Variants in TMEM132D observed in about 807,000 individuals in gnomAD.
TMEM132D encodes the protein transmembrane protein 132D, also known as mature OL transmembrane protein.
Under a neutral mutation model 62.3 loss-of-function variants are expected in TMEM132D, and 21 were observed. The observed-to-expected ratio is 0.34, with a 90% CI of 0.24 to 0.49. The LOEUF is 0.49. Ranked by LOEUF, TMEM132D falls within the 20% of genes least tolerant of loss-of-function variation. TMEM132D has a pLI of 0.99. For synonymous variants in TMEM132D, 621 were observed against 575.6 expected, an observed-to-expected ratio of 1.08 and a Z score of -1.13; for missense variants, 1,346 against 1,402.8, an observed-to-expected ratio of 0.96 and a Z score of 0.65.
intron 4 of TMEM132D, among the ~76,000 whole-genome samples, chr12:129,260,395 T>C (rs938486671): frequency 7.2e-5 from 11 of 152,190 alleles, no homozygotes; most frequent in African/African-American, 2.7e-4. Flanking sequence ...GGGTGACAAC[T>C]AGCCCAGACT....
intron 2 of TMEM132D, among the ~76,000 whole-genome samples, chr12:129,636,295 A>T (rs536380233): frequency 2.0e-5 from 3 of 152,208 alleles, no homozygotes; most frequent in Non-Finnish European, 4.4e-5. Flanking sequence ...ACATCAAAAA[A>T]ATCTATTTTG....
chr12:129,862,024 G>A (rs1056602030), intron 1 of TMEM132D, among the ~76,000 whole-genome samples: 1 of 151,972 alleles, frequency 6.6e-6, no homozygotes, highest in Non-Finnish European at 1.5e-5. Context: ...CCCCTCCCTA[G>A]TCCTCTGCCC....
At chr12:129,788,330 G>A (rs142876768) in intron 1 of TMEM132D, among the ~76,000 whole-genome samples, 1 of 152,306 alleles carries the variant, frequency 6.6e-6, no homozygotes, top group East Asian at 1.9e-4. Flanking sequence ...CAGATTAGAA[G>A]CTTTGTGAGG....
chr12:129,085,225 T>G, intron 5 of TMEM132D: 1 of 159,386 alleles, frequency 6.3e-6, no homozygotes, highest in Non-Finnish European at 1.4e-5. Flanking sequence ...GCCCCTCTTC[T>G]TCCCCTTCTA....
chr12:129,524,178 A>C (rs1003133957), intron 3 of TMEM132D, among the ~76,000 whole-genome samples: 2 of 152,026 alleles, frequency 1.3e-5, no homozygotes, highest in Non-Finnish European at 2.9e-5. Flanking sequence ...CCATGTATAC[A>C]TATGTAACAA....
At chr12:129,197,582 G>T (rs1878583417) in intron 5 of TMEM132D, among the ~76,000 whole-genome samples, 1 of 152,160 alleles carries the variant, frequency 6.6e-6, no homozygotes, top group Admixed American at 6.5e-5. Flanking sequence ...GGGAAAACTG[G>T]ATATCCACAT....
chr12:129,547,837 T>A (rs1876781586), intron 2 of TMEM132D, among the ~76,000 whole-genome samples: 1 of 152,204 alleles, frequency 6.6e-6, no homozygotes, highest in Non-Finnish European at 1.5e-5. Context: ...TGTTACAGAT[T>A]AAGTTCTCTG....
At chr12:129,624,512 A>G (rs1171109521) in intron 2 of TMEM132D, among the ~76,000 whole-genome samples, 1 of 152,250 alleles carries the variant, frequency 6.6e-6, no homozygotes, top group Non-Finnish European at 1.5e-5. Flanking sequence ...AATGGTCATC[A>G]GAGCTCAGCT....
intron 1 of TMEM132D, among the ~76,000 whole-genome samples, chr12:129,834,763 C>G (rs1872950939): frequency 6.6e-6 from 1 of 152,190 alleles, no homozygotes; most frequent in African/African-American, 2.4e-5. Flanking sequence ...TTAAAATCAT[C>G]TGAATCTCAC....
At chr12:129,101,478 G>T (rs1206953746) in intron 5 of TMEM132D, among the ~76,000 whole-genome samples, 1 of 152,104 alleles carries the variant, frequency 6.6e-6, no homozygotes, top group African/African-American at 2.4e-5. Context: ...GCAGCCCCTG[G>T]AGATGTGAGC....
At chr12:129,214,322 T>C (rs1205963084) in intron 4 of TMEM132D, among the ~76,000 whole-genome samples, 1 of 152,244 alleles carries the variant, frequency 6.6e-6, no homozygotes, top group Non-Finnish European at 1.5e-5. Flanking sequence ...ATCCTGATGT[T>C]ATGCTTCAAG....
chr12:129,376,786 C>T (rs112427016), intron 3 of TMEM132D, among the ~76,000 whole-genome samples: 8 of 152,194 alleles, frequency 5.3e-5, no homozygotes, highest in Admixed American at 2.6e-4. Flanking sequence ...GGTGTGCAAA[C>T]GTAAGTGAAA....
chr12:129,420,728 T>G (rs1872294378), intron 3 of TMEM132D, among the ~76,000 whole-genome samples: 1 of 152,184 alleles, frequency 6.6e-6, no homozygotes, highest in East Asian at 1.9e-4. Context: ...TTTGCTTCAC[T>G]CTGAAATCTG....
Position 129,556,769 on chromosome 12 carries a change from G to A in TMEM132D, c.969-25564C>T, listed in dbSNP as rs141271609. ...GAAGTAAATTCAGCTCCTCAGCTGCGCAGCATCACTTTAAGAACTCACAGC... is the reference window on the plus strand; with the variant it reads ...GAAGTAAATTCAGCTCCTCAGCTGCACAGCATCACTTTAAGAACTCACAGC... On this transcript the variant is annotated intron_variant, in intron 2 of 8. Transcript: ENST00000422113. 5.3e-3 allele frequency among the ~76,000 whole-genome samples: 808 copies of A among 152,212 alleles called. 7 individuals carry two copies. The highest frequency in any genetic ancestry group is 0.018 in the African/African-American group (767 of 41,524).
At chr12:129,374,506 T>C (rs1422299947) in intron 3 of TMEM132D, among the ~76,000 whole-genome samples, 1 of 151,954 alleles carries the variant, frequency 6.6e-6, no homozygotes, top group Non-Finnish European at 1.5e-5. Flanking sequence ...TAGGTGAATT[T>C]AGAGGGGATT....
At chr12:129,436,507 T>C (rs957822664) in intron 3 of TMEM132D, among the ~76,000 whole-genome samples, 4 of 152,220 alleles carry the variant, frequency 2.6e-5, no homozygotes, top group African/African-American at 9.7e-5. Flanking sequence ...AGCACTGATA[T>C]GCAAGACTTT....
chr12:129,555,284 G>A (rs1877023326), intron 2 of TMEM132D, among the ~76,000 whole-genome samples: 1 of 152,176 alleles, frequency 6.6e-6, no homozygotes, highest in Non-Finnish European at 1.5e-5. Flanking sequence ...CAACAGAACA[G>A]ACTTGAATTC....
chr12:129,628,990 CCT>C (rs932091735), intron 2 of TMEM132D, among the ~76,000 whole-genome samples: 7 of 151,246 alleles, frequency 4.6e-5, no homozygotes, highest in Admixed American at 1.3e-4. Context: ...TCTCTCTGCC[CCT>C]CTGTCTCTCT....
At chr12:129,368,731 C>G (rs1870502501) in intron 3 of TMEM132D, among the ~76,000 whole-genome samples, 1 of 151,546 alleles carries the variant, frequency 6.6e-6, no homozygotes, top group Non-Finnish European at 1.5e-5. Context: ...TCCTTACCAA[C>G]AGAGACCAAT....
Sources: gnomAD v4.1 joint callset for allele counts (sites outside exome capture counted in the v4.1 genomes callset) on GRCh38, gnomAD v4.1.1 for gene constraint, MANE v1.5 for transcripts, NCBI Gene and HGNC (gene_info 2026-07-23, HGNC 2026-07-21) for gene names.